NCOR2: variants seen among roughly 807,000 people sequenced by gnomAD.
NCOR2 encodes nuclear receptor corepressor 2, also known as CTG repeat protein 26.
In NCOR2, 81 loss-of-function variants were observed where a neutral mutation model predicts 262.9. The ratio of observed to expected loss-of-function variants is 0.31; its 90% CI spans 0.26 to 0.37. NCOR2 has a LOEUF of 0.37. Ranked by LOEUF, NCOR2 falls within the 10% of genes least tolerant of loss-of-function variation. The pLI, the probability that NCOR2 is intolerant of heterozygous loss-of-function variation, is 1.00. For synonymous variants in NCOR2, 1,659 were observed against 1,559.3 expected (o/e 1.06, Z -1.51); for missense variants, 3,385 against 3,621.4 (o/e 0.93, Z 1.68).
intron 16 of NCOR2, among the ~76,000 whole-genome samples, chr12:124,387,637 A>T (rs2040916403): frequency 6.6e-6 from 1 of 152,148 alleles, no homozygotes; most frequent in South Asian, 2.1e-4. Context: ...CCCGCTCCTC[A>T]GGGTTCCTCA....
intron 5 of NCOR2, among the ~76,000 whole-genome samples, chr12:124,460,147 C>T (rs1271801632): frequency 6.6e-6 from 1 of 152,228 alleles, no homozygotes; most frequent in Non-Finnish European, 1.5e-5. Flanking sequence ...CACTGTTTAT[C>T]TTACTGGCCA....
In NCOR2 at chr12:124,531,099, T is replaced by C. The variant is rs2050749212; in HGVS notation, c.-118+4466A>G. 6.6e-6 allele frequency among the ~76,000 whole-genome samples: 1 copy of C among 152,128 alleles called. No individual in the cohort carries two copies. Among genetic ancestry groups the C allele is most frequent in the East Asian group, 1.9e-4 (1 of 5,198 alleles). ...GCAGGGACAAAAGGATGGGGCCCTG[T>C]GGGGATGGCTGGCCCTGAGGACAAC... is the stretch of plus-strand genomic sequence containing the variant. On this transcript the variant is annotated intron_variant, in intron 1 of 46. Coordinates refer to the NCOR2 transcript ENST00000404621. This position sits in a 1 kb window ranked among gnomAD's most constrained non-coding sequence, Gnocchi z 4.5.
At chr12:124,388,732 G>C (rs1377658289) in intron 16 of NCOR2, 2 of 1,304,348 alleles carry the variant, frequency 1.5e-6, no homozygotes, top group South Asian at 1.2e-5. Context: ...CGGAAACATA[G>C]GGCTGGGAAG....
intron 1 of NCOR2, among the ~76,000 whole-genome samples, chr12:124,563,152 G>C (rs2052124981): frequency 1.3e-5 from 2 of 152,180 alleles, no homozygotes; most frequent in African/African-American, 2.4e-5. Flanking sequence ...TGAGAGCAAG[G>C]GGCACTCACC....
At chr12:124,355,887 A>G (rs2037913669) in intron 23 of NCOR2, among the ~76,000 whole-genome samples, 1 of 152,026 alleles carries the variant, frequency 6.6e-6, no homozygotes. Flanking sequence ...ATAGGAACCA[A>G]AAGGACCTTT....
At chr12:124,505,611 C>G (rs1266224807) in intron 1 of NCOR2, among the ~76,000 whole-genome samples, 1 of 152,206 alleles carries the variant, frequency 6.6e-6, no homozygotes, top group Non-Finnish European at 1.5e-5. Context: ...ACTTCCACAG[C>G]TGTGTGACCT....
chr12:124,433,073 AC>A (rs946996086), intron 8 of NCOR2, among the ~76,000 whole-genome samples: 1 of 152,114 alleles, frequency 6.6e-6, no homozygotes, highest in African/African-American at 2.4e-5. Flanking sequence ...TCAGCTGCTG[AC>A]CAAGGGCAAG....
rs777613511 is a variant in NCOR2 at position 124,332,428 on chromosome 12, C to A, written c.6795G>T (p.Pro2265=). 3 of 1,614,086 alleles carry A rather than the reference C, an allele frequency of 1.9e-6. No homozygotes were observed. The African/African-American group carries it at 4.0e-5, about 22-fold the overall frequency. The change falls in exon 43 of 47, where the codon CCG becomes CCT. Residue 2265 remains proline (P), a synonymous_variant. Transcript: ENST00000405201. The stretch of plus-strand genomic sequence containing the variant: ...CGGTCAGCTTGCTGAAGAAGGCTGG[C>A]GGCTGGCTGGTGTTGCCTGGAGACT...
In NCOR2 at chr12:124,482,662, C is replaced by G. The variant is rs1328139999; in HGVS notation, c.411+934G>C. ...GAGGTGGGGGTGGTGGAAATCGCAC[C>G]TGGGTCACCTGAGGGCAGATGGACG... On this transcript the variant is annotated intron_variant, in intron 3 of 46. Transcript: ENST00000405201. The surrounding 1 kb of genome is among the most constrained non-coding windows in gnomAD (Gnocchi z 6.3). 6.6e-6 allele frequency among the ~76,000 whole-genome samples: 1 copy of G among 152,144 alleles called. No individual in the cohort carries two copies. Among genetic ancestry groups the G allele is most frequent in the Non-Finnish European group, 1.5e-5 (1 of 68,000 alleles).
intron 13 of NCOR2, among the ~76,000 whole-genome samples, chr12:124,418,199 A>G (rs1018248788): frequency 2.3e-4 from 35 of 152,236 alleles, no homozygotes; most frequent in Admixed American, 1.9e-3. Context: ...TGGCTACAGA[A>G]AACTAGACAA....
chr12:124,431,097 ACAGT>A (rs1324412028), intron 8 of NCOR2, among the ~76,000 whole-genome samples: 1 of 146,702 alleles, frequency 6.8e-6, no homozygotes, highest in Non-Finnish European at 1.5e-5. Flanking sequence ...GCACACACAT[ACAGT>A]CAGACAGATA....
intron 7 of NCOR2, among the ~76,000 whole-genome samples, chr12:124,439,452 A>G (rs371291964): frequency 8.7e-4 from 2 of 2,308 alleles, no homozygotes; most frequent in South Asian, 9.1e-3. Flanking sequence ...CAGAGAGGGA[A>G]ACAGGGACCC....
chr12:124,411,528 C>T (rs776163856), intron 13 of NCOR2, among the ~76,000 whole-genome samples: 1 of 152,222 alleles, frequency 6.6e-6, no homozygotes, highest in Non-Finnish European at 1.5e-5. Flanking sequence ...GAACCCCCAT[C>T]GCTGCGGGAA....
At chr12:124,416,884 G>A (rs890712205) in intron 13 of NCOR2, among the ~76,000 whole-genome samples, 1 of 152,068 alleles carries the variant, frequency 6.6e-6, no homozygotes, top group Non-Finnish European at 1.5e-5. Context: ...CCGCCGCACA[G>A]GGAGACCCGC....
intron 1 of NCOR2, among the ~76,000 whole-genome samples, chr12:124,492,389 CTG>C (rs1321460722): frequency 6.6e-6 from 1 of 152,212 alleles, no homozygotes; most frequent in Non-Finnish European, 1.5e-5. Flanking sequence ...CGAAGCCACA[CTG>C]AGGTCTCACA....
intron 27 of NCOR2, among the ~76,000 whole-genome samples, chr12:124,352,969 C>CA (rs1234376753): frequency 6.6e-6 from 1 of 152,236 alleles, no homozygotes; most frequent in African/African-American, 2.4e-5. Context: ...GGCACCTACT[C>CA]AGTTAATAAA....
In NCOR2 at chr12:124,486,562, C is replaced by A. The variant is rs577336820; in HGVS notation, c.112G>T (p.Gly38Trp). The change falls in exon 2 of 47, where the codon GGG (glycine) becomes TGG (tryptophan). Residue 38 changes from glycine (G) to tryptophan (W), a missense_variant. Gly to Trp is a radical substitution (Grantham distance 184). Coordinates refer to ENST00000405201, the Ensembl canonical transcript of NCOR2. ...GAGTGGTGCTGGTACTCCAGGAGCCCGACGTCCTGCAGGAGGGGACAGAGG... is the reference window on the plus strand; with the variant it reads ...GAGTGGTGCTGGTACTCCAGGAGCCAGACGTCCTGCAGGAGGGGACAGAGG... The A allele has an allele frequency of 1.9e-6, 3 of 1,571,578 alleles. No homozygotes were observed. In the African/African-American group the frequency reaches 4.1e-5, roughly 21 times the overall value.
chr12:124,324,682 T>C (rs1593049643), exon 47 of NCOR2: 1 of 152,464 alleles, frequency 6.6e-6, no homozygotes, highest in East Asian at 1.9e-4. Context: ...AGTCCTTCCT[T>C]GCGTAAAACA....
At chr12:124,515,896 G>A (rs141856018) in intron 1 of NCOR2, among the ~76,000 whole-genome samples, 2 of 152,304 alleles carry the variant, frequency 1.3e-5, no homozygotes, top group East Asian at 3.9e-4. Context: ...AAAGGCCCTG[G>A]TGCTGACTTC....
Sources: allele counts gnomAD v4.1 joint callset (sites outside exome capture counted in the v4.1 genomes callset), GRCh38; gene constraint gnomAD v4.1.1; non-coding constraint Gnocchi (gnomAD v3.1); transcripts MANE v1.5; gene names NCBI Gene and HGNC (gene_info 2026-07-23, HGNC 2026-07-21).